PFKFB3: variants seen among roughly 807,000 people sequenced by gnomAD.
PFKFB3 encodes the protein 6-phosphofructo-2-kinase/fructose-2,6-biphosphatase 3.
A neutral mutation model predicts 68.0 loss-of-function variants in PFKFB3; 33 were observed. The observed-to-expected ratio is 0.49, with a 90% confidence interval of 0.37 to 0.65. The LOEUF (loss-of-function observed/expected upper bound fraction) is 0.65. Among genes scored for constraint, PFKFB3 ranks in the 30% least tolerant of loss-of-function variants. The probability of loss-of-function intolerance (pLI) is 0.00; values close to 1 mark genes in which losing one functional copy is unlikely to be tolerated. For synonymous variants in PFKFB3, 315 were observed against 288.2 expected (o/e 1.09, Z -0.94); for missense variants, 586 against 712.2 (o/e 0.82, Z 2.02).
At chr10:6,166,395 AT>A (rs200301634) in intron 1 of PFKFB3, among the ~76,000 whole-genome samples, 1,667 of 145,352 alleles carry the variant, frequency 0.011, 70 homozygotes, top group East Asian at 0.1. Context: ...CCGGCTTAGT[AT>A]TTTTTTTTTT....
At chr10:6,174,814 C>CTTTCT (rs1431574899) in intron 1 of PFKFB3, among the ~76,000 whole-genome samples, 1,633 of 122,096 alleles carry the variant, frequency 0.013, 69 homozygotes, top group East Asian at 0.1. Flanking sequence ...TTGTTTCTTT[C>CTTTCT]TTTAATTTTT....
chr10:6,221,884 C>T, intron 10 of PFKFB3, 139 bp downstream of exon 10: 1 of 620,408 alleles, frequency 1.6e-6, no homozygotes. Flanking sequence ...ACTGAGTCCC[C>T]CCAAACTGAA....
chr10:6,259,025 T>A (rs556620047), downstream of PFKFB3, among the ~76,000 whole-genome samples: 145 of 152,274 alleles, frequency 9.5e-4, no homozygotes, highest in African/African-American at 3.4e-3. Context: ...GTTGCAAGAT[T>A]TTCATCAAAA....
At chr10:6,302,390 T>G in the PFKFB3 span, among the ~76,000 whole-genome samples, 1,182 of 98,274 alleles carry the variant, frequency 0.012, 61 homozygotes, top group Admixed American at 0.018. Flanking sequence ...TTTTTTTTTT[T>G]TTTTTTTTTG....
intron 14 of PFKFB3, chr10:6,231,203 T>G: frequency 2.5e-6 from 3 of 1,199,568 alleles, no homozygotes; most frequent in Non-Finnish European, 2.5e-6. Flanking sequence ...CTACTAAAGA[T>G]TTTCTTTTTT....
intron 1 of PFKFB3, among the ~76,000 whole-genome samples, chr10:6,207,721 C>T (rs926640827): frequency 3.9e-5 from 6 of 152,232 alleles, no homozygotes; most frequent in African/African-American, 1.2e-4. Flanking sequence ...GGCACCTTAA[C>T]GGGATGCCCT....
intron 1 of PFKFB3, among the ~76,000 whole-genome samples, chr10:6,146,655 G>A (rs1302175439): frequency 1.3e-5 from 2 of 152,170 alleles, no homozygotes; most frequent in African/African-American, 4.8e-5. Flanking sequence ...CTCCTAAAAG[G>A]GACAGACTTC....
chr10:6,222,829 A>G, intron 10 of PFKFB3, 26 bp from the exon 11 acceptor site: 1 of 1,601,762 alleles, frequency 6.2e-7, no homozygotes, highest in Non-Finnish European at 8.5e-7. Context: ...CCCTGAGCTC[A>G]CGTGGGCCCG....
At chr10:6,318,207 C>A in the PFKFB3 span, among the ~76,000 whole-genome samples, 1 of 152,106 alleles carries the variant, frequency 6.6e-6, no homozygotes, top group Non-Finnish European at 1.5e-5. Flanking sequence ...GGACCCCTTG[C>A]CCATCCATGC....
At chr10:6,173,901 G>A (rs1033639491) in intron 1 of PFKFB3, among the ~76,000 whole-genome samples, 5 of 152,096 alleles carry the variant, frequency 3.3e-5, no homozygotes, top group African/African-American at 1.2e-4. Flanking sequence ...AGCGGAATGC[G>A]CAGTGGACGC....
At chr10:6,214,133 G>A (rs1844409082) in intron 2 of PFKFB3, among the ~76,000 whole-genome samples, 1 of 152,312 alleles carries the variant, frequency 6.6e-6, no homozygotes, top group South Asian at 2.1e-4. Flanking sequence ...GCTGTGGACT[G>A]CTATGTTGGG....
In PFKFB3 at chr10:6,228,192, G is replaced by T. The variant is rs1380663400; in HGVS notation, c.1515+1827G>T. On this transcript the variant is annotated intron_variant, in intron 14 of 14. Transcript: ENST00000379775. The surrounding 1 kb of genome is among the most constrained non-coding windows in gnomAD (Gnocchi z 4.5). ...TGACTTCTCTCTCTGCTTCTCCTCC[G>T]CAGCCTTTGCTAGGGCAAGCCTGTC... 3 of 1,612,566 alleles carry T rather than the reference G, an allele frequency of 1.9e-6. No homozygotes were observed. The highest frequency in any genetic ancestry group is 2.2e-5 in the East Asian group (1 of 44,886).
chr10:6,190,970 A>G (rs1410928118), intron 1 of PFKFB3, among the ~76,000 whole-genome samples: 1 of 151,896 alleles, frequency 6.6e-6, no homozygotes, highest in African/African-American at 2.4e-5. Context: ...GTAGAGATGG[A>G]GTTTCTCCAT....
chr10:6,292,112 C>A, the PFKFB3 span, among the ~76,000 whole-genome samples: 1 of 150,694 alleles, frequency 6.6e-6, no homozygotes, highest in South Asian at 2.1e-4. Context: ...TGCCACCATG[C>A]CTGGCTAAGT....
chr10:6,150,349 G>T (rs566090723), intron 1 of PFKFB3, among the ~76,000 whole-genome samples: 1 of 152,156 alleles, frequency 6.6e-6, no homozygotes, highest in African/African-American at 2.4e-5. Flanking sequence ...GGCCAGGCAC[G>T]GTGGCTCATG....
intron 1 of PFKFB3, chr10:6,146,423 G>T: frequency 6.5e-7 from 1 of 1,535,600 alleles, no homozygotes; most frequent in Non-Finnish European, 8.7e-7. Flanking sequence ...AGCAAGCAGG[G>T]GCTCTGCCAC....
intron 1 of PFKFB3, among the ~76,000 whole-genome samples, chr10:6,190,014 G>C (rs1345900223): frequency 6.6e-6 from 1 of 151,826 alleles, no homozygotes; most frequent in Non-Finnish European, 1.5e-5. Flanking sequence ...TGTGATCTCG[G>C]CTCACTGCAA....
chr10:6,163,945 A>G (rs1842047557), intron 1 of PFKFB3: 2 of 152,412 alleles, frequency 1.3e-5, no homozygotes, highest in Non-Finnish European at 2.9e-5. Context: ...GTTTCCGGCA[A>G]AGGATGTTTT....
At chr10:6,200,107 C>T (rs889498672), upstream of PFKFB3, among the ~76,000 whole-genome samples, 1 of 152,124 alleles carries the variant, frequency 6.6e-6, no homozygotes, top group Non-Finnish European at 1.5e-5. Context: ...TGACCTGGTT[C>T]CTTGACTACT....
Sources: allele counts gnomAD v4.1 joint callset (sites outside exome capture counted in the v4.1 genomes callset), GRCh38; gene constraint gnomAD v4.1.1; non-coding constraint Gnocchi (gnomAD v3.1); transcripts MANE v1.5; gene names NCBI Gene and HGNC (gene_info 2026-07-23, HGNC 2026-07-21).